FAM81B: variants seen among roughly 807,000 people sequenced by gnomAD.
The protein encoded by FAM81B is protein FAM81B.
In FAM81B, 60 loss-of-function variants were observed where a neutral mutation model predicts 58.7. The ratio of observed to expected loss-of-function variants is 1.02; its 90% CI spans 0.83 to 1.27. FAM81B has a LOEUF of 1.27. FAM81B is among the 50% of genes most tolerant of loss of function. FAM81B has a pLI of 0.00. For synonymous variants in FAM81B, 189 were observed against 179.6 expected (o/e 1.05, Z -0.42); for missense variants, 491 against 522.0 (o/e 0.94, Z 0.58).
In FAM81B at chr5:95,427,518, A is replaced by G. The variant is rs540587891; in HGVS notation, c.657-1085A>G. On this transcript the variant is annotated intron_variant, in intron 5 of 9. Coordinates refer to ENST00000283357, the MANE Select transcript of FAM81B (RefSeq NM_152548.3). ...AAAGAAATGCTCAGGCAAAATTGCCATCTTAACTCACCTTTGCCTCAAATC... is the reference window on the plus strand; with the variant it reads ...AAAGAAATGCTCAGGCAAAATTGCCGTCTTAACTCACCTTTGCCTCAAATC... Among the ~76,000 whole-genome samples, 5 of 152,312 alleles carry G rather than the reference A, an allele frequency of 3.3e-5. No homozygotes were observed. The South Asian group carries it at 1.0e-3, about 32-fold the overall frequency.
intron 3 of FAM81B, among the ~76,000 whole-genome samples, chr5:95,407,367 A>C (rs1762277521): frequency 6.9e-6 from 1 of 144,226 alleles, no homozygotes; most frequent in Admixed American, 7.1e-5. Flanking sequence ...TACCTGAGTG[A>C]TTCCAAAAAT....
Position 95,391,413 on chromosome 5 carries a change from A to C in FAM81B, c.24A>C (p.Thr8=), listed in dbSNP as rs780437960. 1.2e-6 allele frequency: 2 copies of C among 1,613,638 alleles called. No individual in the cohort carries two copies. The highest frequency in any genetic ancestry group is 2.2e-5 in the South Asian group (2 of 91,048). ...GGATGCAATTACAATTCCTTGGTAC[A>C]TTGGCTTCCTCAGAAAAAAGAAAAA... MQLQFLG[T]LASSEKRKKS... The change falls in exon 1 of 10, where the codon ACA becomes ACC. Residue 8 remains threonine, a synonymous_variant. Coordinates refer to ENST00000283357, the MANE Select transcript of FAM81B (RefSeq NM_152548.3).
intron 3 of FAM81B, among the ~76,000 whole-genome samples, chr5:95,400,513 C>G (rs1304475474): frequency 1.3e-5 from 2 of 152,062 alleles, no homozygotes; most frequent in South Asian, 2.1e-4. Context: ...CCACTCTACT[C>G]CAGTAGGACC....
chr5:95,399,502 T>C (rs1762051665), intron 3 of FAM81B, among the ~76,000 whole-genome samples: 2 of 149,724 alleles, frequency 1.3e-5, no homozygotes, highest in East Asian at 3.9e-4. Context: ...CCACCTGTGA[T>C]GGGCAAGGCT....
intron 6 of FAM81B, 89 bp downstream of exon 6, chr5:95,428,821 T>C (rs1323083543): frequency 6.4e-7 from 1 of 1,556,786 alleles, no homozygotes; most frequent in African/African-American, 1.4e-5. Context: ...CAGGTGGTAA[T>C]TTTTTAAGAG....
Position 95,436,801 on chromosome 5 carries a change from T to C in FAM81B, c.788T>C (p.Val263Ala), listed in dbSNP as rs1745118691. ...ETLSKNLDMK[V>A]MQLLGKIETA... Reference sequence around the variant, plus strand: ...CAAACCCTCTCGTACTTTGACTAGGTGATGCAGCTCTTAGGAAAGATAGAA... The same window carrying C: ...CAAACCCTCTCGTACTTTGACTAGGCGATGCAGCTCTTAGGAAAGATAGAA... Residue 263 changes from valine to alanine, a missense_variant and splice_region_variant, in exon 7 of 10, where the codon GTG becomes GCG. Coordinates refer to ENST00000283357, the MANE Select transcript of FAM81B (RefSeq NM_152548.3). The C allele has an allele frequency of 2.5e-6, 4 of 1,605,926 alleles. No homozygotes were observed. The highest frequency in any genetic ancestry group is 3.4e-6 in the Non-Finnish European group (4 of 1,172,618).
intron 3 of FAM81B, among the ~76,000 whole-genome samples, chr5:95,400,399 T>C (rs907374231): frequency 7.6e-6 from 1 of 132,444 alleles, no homozygotes; most frequent in African/African-American, 3.1e-5. Context: ...TACAGCCACC[T>C]TCACATACAT....
chr5:95,414,021 G>GTACCA lies in FAM81B; in HGVS notation c.371_375dup (p.Ala126ProfsTer2), dbSNP rs1762470978. On this transcript the variant is annotated frameshift_variant, in exon 4 of 10. Coordinates refer to ENST00000283357, the MANE Select transcript of FAM81B (RefSeq NM_152548.3). LOFTEE classifies it high-confidence loss of function. The stretch of plus-strand genomic sequence containing the variant: ...GAAGACAGACTGAACAACCAGGCGC[G>GTACCA]TACCATAGCTTTCCTTCTTGAACAA... The GTACCA allele has an allele frequency of 6.2e-7, 1 of 1,613,976 alleles. No homozygotes were observed. The highest frequency in any genetic ancestry group is 1.3e-5 in the African/African-American group (1 of 74,984).
At chr5:95,405,207 G>A (rs984152746) in intron 3 of FAM81B, among the ~76,000 whole-genome samples, 1 of 152,188 alleles carries the variant, frequency 6.6e-6, no homozygotes, top group African/African-American at 2.4e-5. Context: ...CACATGACTA[G>A]CATTAATGTC....
chr5:95,435,839 A>ATTAT (rs1412911546), intron 6 of FAM81B, among the ~76,000 whole-genome samples: 2 of 152,114 alleles, frequency 1.3e-5, no homozygotes, highest in Non-Finnish European at 2.9e-5. Flanking sequence ...TAAATTGCCT[A>ATTAT]TTATTTTATT....
chr5:95,391,480 A>G lies in FAM81B; in HGVS notation c.91A>G (p.Asn31Asp). The stretch of plus-strand genomic sequence containing the variant: ...TTTCAAAAATATCAAATCTACAAAA[A>G]ATAAAGCTGGAAAAGCAAGCATCAT... ...LFFKNIKSTK[N>D]KAGKASIMSS... Residue 31 changes from asparagine (N) to aspartate (D), a missense_variant, in exon 1 of 10, where the codon AAT becomes GAT. By Grantham distance (23) the Asn-to-Asp change is conservative. Transcript: ENST00000283357. 1 of 1,613,740 alleles carries G rather than the reference A, an allele frequency of 6.2e-7. No homozygotes were observed. The highest frequency in any genetic ancestry group is 8.5e-7 in the Non-Finnish European group (1 of 1,179,780).
intron 3 of FAM81B, among the ~76,000 whole-genome samples, chr5:95,398,287 C>T (rs996832178): frequency 3.3e-5 from 5 of 152,008 alleles, no homozygotes; most frequent in African/African-American, 9.7e-5. Context: ...GGCATGGTGG[C>T]GTGCACCTGT....
chr5:95,397,142 CCT>C (rs534554876), intron 3 of FAM81B: 18 of 152,172 alleles, frequency 1.2e-4, no homozygotes, highest in African/African-American at 4.1e-4. Flanking sequence ...CAAGAATTCC[CCT>C]GTCCCTTGGC....
At chr5:95,401,750 A>G (rs929354031) in intron 3 of FAM81B, among the ~76,000 whole-genome samples, 1 of 152,218 alleles carries the variant, frequency 6.6e-6, no homozygotes, top group Non-Finnish European at 1.5e-5. Context: ...CAAAATGGTT[A>G]CCAGAATCTC....
At chr5:95,446,462 ACT>A (rs1247980192) in intron 7 of FAM81B, 98 bp from the exon 8 acceptor site, 6 of 1,159,908 alleles carry the variant, frequency 5.2e-6, no homozygotes, top group Non-Finnish European at 5.9e-6. Flanking sequence ...TGCTAGACAC[ACT>A]GAGTCTCGTC....
chr5:95,415,003 G>T (rs2152763772), intron 4 of FAM81B, among the ~76,000 whole-genome samples: 1 of 152,134 alleles, frequency 6.6e-6, no homozygotes, highest in Middle Eastern at 3.4e-3. Flanking sequence ...AGACAACAGT[G>T]GTGTTGTAGT....
At chr5:95,431,562 CAT>C (rs982543528) in intron 6 of FAM81B, among the ~76,000 whole-genome samples, 2 of 151,802 alleles carry the variant, frequency 1.3e-5, no homozygotes, top group Admixed American at 1.3e-4. Flanking sequence ...TTAGAATTGA[CAT>C]AGTCATAATG....
chr5:95,408,002 A>G (rs1240352076), intron 3 of FAM81B, among the ~76,000 whole-genome samples: 1 of 151,386 alleles, frequency 6.6e-6, no homozygotes, highest in Non-Finnish European at 1.5e-5. Flanking sequence ...GGCTGTTGTC[A>G]GGAGTTTTCA....
chr5:95,413,207 C>G (rs7722932), intron 3 of FAM81B, among the ~76,000 whole-genome samples: 41,303 of 152,022 alleles, frequency 0.27, 5,845 homozygotes, highest in Non-Finnish European at 0.3. Context: ...ATTTTCGAAA[C>G]ACTCAAAACA....
Sources: allele counts gnomAD v4.1 joint callset (sites outside exome capture counted in the v4.1 genomes callset), GRCh38; gene constraint gnomAD v4.1.1; transcripts MANE v1.5; gene names NCBI Gene and HGNC (gene_info 2026-07-23, HGNC 2026-07-21).